The following POFUT3 variants were observed in gnomAD, a reference collection of about 807,000 sequenced individuals.
POFUT3 encodes the protein GDP-fucose protein O-fucosyltransferase 3.
the POFUT3 span, among the ~76,000 whole-genome samples, chr8:33,355,219 A>G: frequency 6.6e-6 from 1 of 152,204 alleles, no homozygotes; most frequent in African/African-American, 2.4e-5. Flanking sequence ...TTATATTCCA[A>G]TATCAATATT....
the POFUT3 span, chr8:33,389,544 GT>G: frequency 6.2e-7 from 1 of 1,614,222 alleles, no homozygotes; most frequent in Admixed American, 1.7e-5. Flanking sequence ...AGCGGAGCAA[GT>G]CTTTTTCTAA....
the POFUT3 span, among the ~76,000 whole-genome samples, chr8:33,318,783 TTTATATAATATATATATATTTTATATATA>T: frequency 2.9e-3 from 148 of 51,746 alleles, 47 homozygotes; most frequent in African/African-American, 0.017. Flanking sequence ...TTTATATATA[TTTATATAATATATATATATTTTATATATA>T]TTATATATAT....
At chr8:33,461,750 C>A in the POFUT3 span, 1 of 977,724 alleles carries the variant, frequency 1.0e-6, no homozygotes, top group Admixed American at 3.1e-5. Context: ...CATCTTTTAG[C>A]CATAGCGCAG....
the POFUT3 span, chr8:33,461,418 G>A: frequency 5.0e-6 from 8 of 1,613,486 alleles, no homozygotes; most frequent in Non-Finnish European, 2.5e-6. Flanking sequence ...GCACAGGCAA[G>A]ATGCCAAAAG....
the POFUT3 span, among the ~76,000 whole-genome samples, chr8:33,309,017 A>C: frequency 6.7e-6 from 1 of 150,054 alleles, no homozygotes; most frequent in Admixed American, 6.6e-5. Flanking sequence ...TCTGGAGCCC[A>C]GGCTGTTGCT....
the POFUT3 span, among the ~76,000 whole-genome samples, chr8:33,454,776 C>T: frequency 6.6e-6 from 1 of 151,472 alleles, no homozygotes; most frequent in Non-Finnish European, 1.5e-5. Context: ...AAGTGATTCT[C>T]CTGCCTCAGC....
chr8:33,469,599 G>A, the POFUT3 span, among the ~76,000 whole-genome samples: 1 of 151,974 alleles, frequency 6.6e-6, no homozygotes, highest in African/African-American at 2.4e-5. Context: ...AGAAATGAAG[G>A]CAATGTCATT....
the POFUT3 span, chr8:33,372,438 C>T: frequency 7.0e-7 from 1 of 1,427,374 alleles, no homozygotes; most frequent in African/African-American, 1.4e-5. Context: ...CTTGAAAGGG[C>T]TCATTATGAG....
chr8:33,422,897 C>T, the POFUT3 span, among the ~76,000 whole-genome samples: 27 of 152,092 alleles, frequency 1.8e-4, no homozygotes, highest in East Asian at 9.7e-4. Context: ...CTTCAACCTC[C>T]GCCTCCCAGG....
chr8:33,315,948 G>A, the POFUT3 span, among the ~76,000 whole-genome samples: 1 of 152,082 alleles, frequency 6.6e-6, no homozygotes, highest in Non-Finnish European at 1.5e-5. Flanking sequence ...TGAGTGCCTA[G>A]GATTTATGCA....
At chr8:33,385,259 T>C in the POFUT3 span, among the ~76,000 whole-genome samples, 2 of 152,194 alleles carry the variant, frequency 1.3e-5, no homozygotes, top group Non-Finnish European at 2.9e-5. Flanking sequence ...GAAGGGGCAT[T>C]CTTTTCCATT....
the POFUT3 span, among the ~76,000 whole-genome samples, chr8:33,320,110 G>T: frequency 2.0e-5 from 3 of 151,950 alleles, no homozygotes; most frequent in East Asian, 5.8e-4. Flanking sequence ...CCATGTGTAT[G>T]TCATTTATAT....
chr8:33,466,121 G>A, the POFUT3 span, among the ~76,000 whole-genome samples: 1 of 152,076 alleles, frequency 6.6e-6, no homozygotes, highest in South Asian at 2.1e-4. Flanking sequence ...AGGGAACAAC[G>A]TATGGTTAAG....
At chr8:33,448,514 T>C in the POFUT3 span, among the ~76,000 whole-genome samples, 1,883 of 152,160 alleles carry the variant, frequency 0.012, 46 homozygotes, top group African/African-American at 0.043. Context: ...TCTCCACTGG[T>C]GTACTGCAAT....
chr8:33,459,066 G>A, the POFUT3 span, among the ~76,000 whole-genome samples: 5 of 152,254 alleles, frequency 3.3e-5, no homozygotes, highest in Middle Eastern at 3.4e-3. Flanking sequence ...AGAACCAGGC[G>A]TGGTGACTCA....
At chr8:33,360,405 C>T in the POFUT3 span, among the ~76,000 whole-genome samples, 3 of 151,900 alleles carry the variant, frequency 2.0e-5, no homozygotes, top group South Asian at 2.1e-4. Flanking sequence ...GAGATGGTGC[C>T]ACCGCGCTCC....
chr8:33,395,783 C>T, the POFUT3 span, among the ~76,000 whole-genome samples: 2 of 152,154 alleles, frequency 1.3e-5, no homozygotes, highest in African/African-American at 4.8e-5. Context: ...CTGCCGTGGG[C>T]TGGTATGCGG....
chr8:33,350,185 G>T, the POFUT3 span, among the ~76,000 whole-genome samples: 2 of 152,036 alleles, frequency 1.3e-5, no homozygotes, highest in Non-Finnish European at 2.9e-5. Context: ...TACATAGTTT[G>T]CAAGTATTTT....
the POFUT3 span, chr8:33,436,648 A>G: frequency 1.2e-6 from 1 of 862,554 alleles, no homozygotes; most frequent in Non-Finnish European, 2.0e-6. Context: ...GAGTGAGCGA[A>G]TCTCCCGCTG....
Sources: allele counts gnomAD v4.1 joint callset (sites outside exome capture counted in the v4.1 genomes callset), GRCh38; gene constraint gnomAD v4.1.1; transcripts MANE v1.5; gene names NCBI Gene and HGNC (gene_info 2026-07-23, HGNC 2026-07-21).